The following SLX4 variants were observed in gnomAD, a reference collection of about 807,000 sequenced individuals.
The protein encoded by SLX4 is SLX4 structure-specific endonuclease subunit, also known as structure-specific endonuclease subunit SLX4.
In SLX4, 112 loss-of-function variants were observed where a neutral mutation model predicts 146.2. The observed-to-expected ratio is 0.77, with a 90% CI of 0.66 to 0.90. The LOEUF (loss-of-function observed/expected upper bound fraction) is 0.90, where lower values mean the gene tolerates loss of function less well. Ranked by LOEUF, SLX4 falls within the 40% of genes least tolerant of loss-of-function variation. The pLI is 0.00. For synonymous variants in SLX4, 1,061 were observed against 997.7 expected (o/e 1.06, Z -1.20); for missense variants, 2,563 against 2,392.7 (o/e 1.07, Z -1.49).
In SLX4 at chr16:3,583,310, G is replaced by A. The variant is rs2040464484; in HGVS notation, c.4940C>T (p.Ala1647Val). ...SRAGVHAQQEATTGPGAHRPK... is the reference protein window; with the variant it reads ...SRAGVHAQQEVTTGPGAHRPK... ...CCTATGGGCCCCAGGTCCTGTGGTG[G>A]CCTCCTGCTGGGCATGGACCCCTGC... The change falls in exon 14 of 15, where the codon GCC becomes GTC. Residue 1647 changes from alanine (A) to valine (V), a missense_variant. By Grantham distance (64) the Ala-to-Val change is moderately conservative. Transcript: ENST00000294008. 6.2e-7 allele frequency: 1 copy of A among 1,614,146 alleles called. No homozygotes were observed. Among genetic ancestry groups the A allele is most frequent in the African/African-American group, 1.3e-5 (1 of 75,056 alleles).
At chr16:3,587,725 TGGGCCACGGGCGTGCTATAA>T (rs1028242751) in intron 12 of SLX4, among the ~76,000 whole-genome samples, 2 of 151,928 alleles carry the variant, frequency 1.3e-5, no homozygotes, top group Non-Finnish European at 2.9e-5. Flanking sequence ...TGGGGCAGGC[TGGGCCACGGGCGTGCTATAA>T]GAAGCTCTCC....
intron 4 of SLX4, chr16:3,601,394 A>C: frequency 1.6e-6 from 1 of 612,470 alleles, no homozygotes; most frequent in Non-Finnish European, 2.9e-6. Context: ...TGGCTAAAGA[A>C]AGCAAGGAAA....
chr16:3,587,213 T>C (rs935548785), intron 12 of SLX4, among the ~76,000 whole-genome samples: 5 of 152,132 alleles, frequency 3.3e-5, no homozygotes, highest in African/African-American at 1.2e-4. Context: ...TAAAAAATAA[T>C]AGGCTGGGCG....
chr16:3,601,802 GA>G, intron 4 of SLX4: 1 of 380,422 alleles, frequency 2.6e-6, no homozygotes, highest in Non-Finnish European at 5.0e-6. Flanking sequence ...TCAGGGGAGA[GA>G]GGGGCAATAG....
chr16:3,601,055 C>T lies in SLX4; in HGVS notation c.1087G>A (p.Gly363Ser), dbSNP rs1283632512. The T allele has an allele frequency of 1.2e-6, 2 of 1,614,010 alleles. No homozygotes were observed. Among genetic ancestry groups the T allele is most frequent in the Non-Finnish European group, 1.7e-6 (2 of 1,180,038 alleles). Residue 363 changes from glycine to serine, a missense_variant, in exon 5 of 15, where the codon GGC becomes AGC. Gly to Ser is a moderately conservative substitution (Grantham distance 56). Coordinates refer to ENST00000294008, the MANE Select transcript of SLX4 (RefSeq NM_032444.4). ...ACAGCCTGAAGCAGGAGCTGGGGGCCAACCTCCATCTTCACAGCACACTGC... is the reference window on the plus strand; with the variant it reads ...ACAGCCTGAAGCAGGAGCTGGGGGCTAACCTCCATCTTCACAGCACACTGC... The part of the protein sequence containing the change: ...LKQCAVKMEV[G>S]PQLLLQAVRL...
Position 3,582,119 on chromosome 16 carries a change from T to C in SLX4, c.*223A>G, listed in dbSNP as rs1364212092. 1 of 594,144 alleles carries C rather than the reference T, an allele frequency of 1.7e-6. No individual in the cohort carries two copies. The highest frequency in any genetic ancestry group is 3.0e-5 in the Admixed American group (1 of 33,808). The allele number at this position is 594,144 out of a possible 1,614,324, so 36.8% of individuals were successfully genotyped here. A position where few individuals can be genotyped will look rare whatever the true frequency, so the allele number is the denominator to read the frequency against. On this transcript the variant is annotated 3_prime_UTR_variant, in exon 15 of 15. Transcript: ENST00000294008. Reference sequence around the variant, plus strand: ...AGAGGAAGGGGCTGGAGTCTGTAAATCCAGTGGGTGACATGCTCCAAATGC... The same window carrying C: ...AGAGGAAGGGGCTGGAGTCTGTAAACCCAGTGGGTGACATGCTCCAAATGC...
chr16:3,587,580 T>C (rs1363933106), intron 12 of SLX4, among the ~76,000 whole-genome samples: 1 of 152,208 alleles, frequency 6.6e-6, no homozygotes, highest in Non-Finnish European at 1.5e-5. Context: ...AAAAGCACGA[T>C]TCTTCCTGTG....
At chr16:3,611,370 C>T (rs1027264557) in intron 1 of SLX4, among the ~76,000 whole-genome samples, 190 bp downstream of exon 1, 1 of 152,264 alleles carries the variant, frequency 6.6e-6, no homozygotes, top group Non-Finnish European at 1.5e-5. Flanking sequence ...CAGGCGGGCC[C>T]CGGCCCCTCT....
At chr16:3,605,152 C>T (rs1019671642) in intron 3 of SLX4, among the ~76,000 whole-genome samples, 52 of 151,614 alleles carry the variant, frequency 3.4e-4, no homozygotes, top group Admixed American at 3.1e-3. Context: ...TGCAGTGGTG[C>T]AATCTCGGCT....
rs2151139624 is a variant in SLX4, at chr16:3,608,740, C to G, written c.225G>C (p.Lys75Asn). The change falls in exon 2 of 15, where the codon AAG becomes AAC. Residue 75 changes from lysine to asparagine, a missense_variant. Coordinates refer to ENST00000294008, the MANE Select transcript of SLX4 (RefSeq NM_032444.4). ...HGIKEVSGER[K>N]TQKAASNGTQ... ...TGCCGTTTGAGGCAGCCTTTTGTGTCTTCCTTTCTCCTGACACTTCCTTGA... is the reference window on the plus strand; with the variant it reads ...TGCCGTTTGAGGCAGCCTTTTGTGTGTTCCTTTCTCCTGACACTTCCTTGA... 1 of 1,614,204 alleles carries G rather than the reference C, an allele frequency of 6.2e-7. No homozygotes were observed. Among genetic ancestry groups the G allele is most frequent in the Middle Eastern group, 1.6e-4 (1 of 6,062 alleles).
intron 8 of SLX4, 112 bp downstream of exon 8, chr16:3,596,041 G>T: frequency 6.9e-7 from 1 of 1,443,998 alleles, no homozygotes; most frequent in Non-Finnish European, 9.2e-7. Context: ...TCTCCCACCA[G>T]GTCAGAGCTG....
chr16:3,590,270 G>T lies in SLX4; in HGVS notation c.3368C>A (p.Ser1123Tyr), dbSNP rs144647122. The change falls in exon 12 of 15, where the codon TCT becomes TAT. Residue 1123 changes from serine to tyrosine, a missense_variant. Physicochemically the swap from Ser to Tyr is moderately radical, Grantham distance 144. Coordinates refer to ENST00000294008, the MANE Select transcript of SLX4 (RefSeq NM_032444.4). The surrounding 1 kb of genome is among the most constrained non-coding windows in gnomAD (Gnocchi z 4.8). ...GVLMFPEKSPSIDLTQSNPDH... is the reference protein window; with the variant it reads ...GVLMFPEKSPYIDLTQSNPDH... ...AGGATTTGACTGGGTTAGGTCAATAGACGGAGATTTTTCTGGGAACATCAG... is the reference window on the plus strand; with the variant it reads ...AGGATTTGACTGGGTTAGGTCAATATACGGAGATTTTTCTGGGAACATCAG... 5.0e-4 allele frequency: 810 copies of T among 1,614,090 alleles called. 1 individual carries two copies. The highest frequency in any genetic ancestry group is 6.3e-4 in the Non-Finnish European group (746 of 1,180,020).
At chr16:3,588,619 TCTACGGTTAACATTCTGGAG>T (rs1567168554) in intron 12 of SLX4, among the ~76,000 whole-genome samples, 2 of 152,234 alleles carry the variant, frequency 1.3e-5, no homozygotes, top group Non-Finnish European at 2.9e-5. Context: ...CTGCAGTCAA[TCTACGGTTAACATTCTGGAG>T]AACCACCCTG....
Position 3,591,217 on chromosome 16 carries a change from A to G in SLX4, c.2421T>C (p.Asn807=), listed in dbSNP as rs760214045. 9 of 1,613,894 alleles carry G rather than the reference A, an allele frequency of 5.6e-6. No individual in the cohort carries two copies. The South Asian group carries it at 6.6e-5, about 12-fold the overall frequency. The change falls in exon 12 of 15, where the codon AAT becomes AAC. Residue 807 remains asparagine, a synonymous_variant. Coordinates refer to ENST00000294008, the MANE Select transcript of SLX4 (RefSeq NM_032444.4). ...GGAAATTCTCGGCCCTGCTTTCGCAATTCTCTGCTTCCTTCTCCTCCCATG... is the reference window on the plus strand; with the variant it reads ...GGAAATTCTCGGCCCTGCTTTCGCAGTTCTCTGCTTCCTTCTCCTCCCATG... ...GKPWEEKEAE[N]CESRAENFQE... is the part of the protein sequence containing the mutation.
intron 3 of SLX4, among the ~76,000 whole-genome samples, chr16:3,603,108 C>G (rs113033774): frequency 6.6e-6 from 1 of 152,166 alleles, no homozygotes; most frequent in Non-Finnish European, 1.5e-5. Context: ...GGCTGGAGTG[C>G]AACGACGCGA....
At chr16:3,603,806 C>T (rs1340564762) in intron 3 of SLX4, among the ~76,000 whole-genome samples, 1 of 152,194 alleles carries the variant, frequency 6.6e-6, no homozygotes, top group African/African-American at 2.4e-5. Context: ...TCACCTGCAG[C>T]CAATGAGCCT....
In SLX4 at chr16:3,606,721, C is replaced by T. The variant is rs775324151; in HGVS notation, c.536-23G>A. ...TCTCTGGCAAGGAGGAAAATATTCA[C>T]AACCATCTGTTGTAGCTGGAGAAAT... On this transcript the variant is annotated intron_variant, in intron 2 of 14. Coordinates refer to ENST00000294008, the MANE Select transcript of SLX4 (RefSeq NM_032444.4). 2.5e-6 allele frequency: 4 copies of T among 1,611,772 alleles called. No homozygotes were observed. The African/African-American group carries it at 5.3e-5, about 22-fold the overall frequency.
In SLX4 at chr16:3,582,615, C is replaced by T; in HGVS notation, c.5232G>A (p.Gln1744=). 6.2e-7 allele frequency: 1 copy of T among 1,613,650 alleles called. No individual in the cohort carries two copies. The stretch of plus-strand genomic sequence containing the variant: ...CTGTGTCCGCCGCCTGCACGGCTGC[C>T]TGCGAGGCACTGACCTCCCCCTCGC... The part of the protein sequence containing the change: ...EEGEGEVSAS[Q]AAVQAADTDE... Residue 1744 remains glutamine (Q), a synonymous_variant, in exon 15 of 15, where the codon CAG becomes CAA. Coordinates refer to ENST00000294008, the MANE Select transcript of SLX4 (RefSeq NM_032444.4).
chr16:3,589,672 G>C lies in SLX4; in HGVS notation c.3966C>G (p.Ser1322=). The C allele has an allele frequency of 6.2e-7, 1 of 1,614,066 alleles. No individual in the cohort carries two copies. Among genetic ancestry groups the C allele is most frequent in the Admixed American group, 1.7e-5 (1 of 60,020 alleles). The change falls in exon 12 of 15, where the codon TCC becomes TCG. Residue 1322 remains serine, a synonymous_variant. Transcript: ENST00000294008. This position sits in a 1 kb window ranked among gnomAD's most constrained non-coding sequence, Gnocchi z 6.2. ...RPQTPPPQTP[S]SCLTPVSPGT... is the part of the protein sequence containing the mutation. ...CTGGAGAGACGGGAGTGAGGCATGA[G>C]GACGGTGTCTGGGGCGGTGGTGTCT...
Sources: gnomAD v4.1 joint callset for allele counts (sites outside exome capture counted in the v4.1 genomes callset) on GRCh38, gnomAD v4.1.1 for gene constraint, Gnocchi (gnomAD v3.1) non-coding constraint, MANE v1.5 for transcripts, NCBI Gene and HGNC (gene_info 2026-07-23, HGNC 2026-07-21) for gene names.